DLGAP1: variants seen among roughly 807,000 people sequenced by gnomAD.
The protein encoded by DLGAP1 is disks large-associated protein 1.
A neutral mutation model predicts 90.8 loss-of-function variants in DLGAP1; 11 were observed. The ratio of observed to expected loss-of-function variants is 0.12; its 90% CI spans 0.08 to 0.20. The LOEUF is 0.20. Among genes scored for constraint, DLGAP1 ranks in the 10% least tolerant of loss-of-function variants. The pLI, the probability that DLGAP1 is intolerant of heterozygous loss-of-function variation, is 1.00. For synonymous variants in DLGAP1, 558 were observed against 540.7 expected (o/e 1.03, Z -0.44); for missense variants, 1,050 against 1,333.8 (o/e 0.79, Z 3.31).
chr18:4,156,814 T>C (rs893246961), intron 1 of DLGAP1, among the ~76,000 whole-genome samples: 2 of 152,198 alleles, frequency 1.3e-5, no homozygotes, highest in Non-Finnish European at 2.9e-5. Flanking sequence ...AATTTTTTTT[T>C]GAGCAATGAT....
intron 7 of DLGAP1, among the ~76,000 whole-genome samples, chr18:3,654,209 G>A (rs2059407304): frequency 6.6e-6 from 1 of 152,154 alleles, no homozygotes; most frequent in Non-Finnish European, 1.5e-5. Context: ...CTTCCTGTGA[G>A]CCCCAGGGAC....
At chr18:3,749,410 C>T (rs1479777934) in intron 5 of DLGAP1, among the ~76,000 whole-genome samples, 1 of 152,088 alleles carries the variant, frequency 6.6e-6, no homozygotes, top group Non-Finnish European at 1.5e-5. Context: ...GCCTTGGCCT[C>T]CCAAAGTGCT....
intron 1 of DLGAP1, among the ~76,000 whole-genome samples, chr18:4,197,786 AC>A: frequency 6.6e-6 from 1 of 152,142 alleles, no homozygotes. Flanking sequence ...GTCAGCTAAA[AC>A]CCCGTGAATG....
rs537425020 is a variant in DLGAP1 at position 3,786,047 on chromosome 18, G to C, written c.1172+28012C>G. The stretch of plus-strand genomic sequence containing the variant: ...AATGCTTCCTTCTCTCTCCAACTCT[G>C]CTTCTGCTGTCATCTCCTCCCCTGA... On this transcript the variant is annotated intron_variant, in intron 5 of 12. Coordinates refer to ENST00000315677, the MANE Select transcript of DLGAP1 (RefSeq NM_004746.4). Among the ~76,000 whole-genome samples, 12 of 152,156 alleles carry C rather than the reference G, an allele frequency of 7.9e-5. No individual in the cohort carries two copies. In the South Asian group the frequency reaches 2.5e-3, roughly 32 times the overall value.
At chr18:3,744,712 A>G (rs1019048240) in intron 5 of DLGAP1, among the ~76,000 whole-genome samples, 2 of 151,998 alleles carry the variant, frequency 1.3e-5, no homozygotes, top group African/African-American at 4.8e-5. Flanking sequence ...CGGCCGGCTA[A>G]TTTTTGTATT....
chr18:4,448,533 T>C (rs16946838), intron 1 of DLGAP1, among the ~76,000 whole-genome samples: 19,758 of 152,132 alleles, frequency 0.13, 1,479 homozygotes, highest in South Asian at 0.22. Context: ...AGAGGAATTA[T>C]TATGCACCAT....
At chr18:3,764,848 T>C (rs1162164673) in intron 5 of DLGAP1, among the ~76,000 whole-genome samples, 1 of 152,160 alleles carries the variant, frequency 6.6e-6, no homozygotes, top group East Asian at 1.9e-4. Context: ...TTGTGGTAGT[T>C]ATCTGGTTTT....
intron 3 of DLGAP1, among the ~76,000 whole-genome samples, chr18:3,944,934 C>T (rs2072847756): frequency 1.3e-5 from 2 of 152,134 alleles, no homozygotes; most frequent in Non-Finnish European, 2.9e-5. Context: ...ACATAACAGC[C>T]AAGTTTGGTT....
intron 1 of DLGAP1, among the ~76,000 whole-genome samples, chr18:4,263,419 T>C (rs1282407603): frequency 6.6e-6 from 1 of 152,210 alleles, no homozygotes; most frequent in Non-Finnish European, 1.5e-5. Flanking sequence ...TGAATTCTTA[T>C]TAAAATTTGT....
chr18:3,908,555 C>T (rs1220641155), intron 3 of DLGAP1, among the ~76,000 whole-genome samples: 3 of 152,084 alleles, frequency 2.0e-5, no homozygotes, highest in Non-Finnish European at 4.4e-5. Flanking sequence ...ATGTGCAGTT[C>T]AGGTTGGTGG....
chr18:3,643,662 CA>C (rs538678987), intron 7 of DLGAP1, among the ~76,000 whole-genome samples: 1,569 of 64,952 alleles, frequency 0.024, 5 homozygotes, highest in Middle Eastern at 0.037. Context: ...GACTCCATCT[CA>C]AAAAAAAAAA....
At chr18:4,258,833 G>A (rs1056176393) in intron 1 of DLGAP1, among the ~76,000 whole-genome samples, 1 of 151,926 alleles carries the variant, frequency 6.6e-6, no homozygotes. Flanking sequence ...CTACTCTTTG[G>A]TCATGAACAA....
intron 7 of DLGAP1, among the ~76,000 whole-genome samples, chr18:3,616,733 G>T (rs556625292): frequency 6.6e-6 from 1 of 151,994 alleles, no homozygotes; most frequent in African/African-American, 2.4e-5. Context: ...CACCCTAGGC[G>T]GCAGAGGGAG....
intron 5 of DLGAP1, among the ~76,000 whole-genome samples, chr18:3,801,967 TTTTGTTTGTTTG>T (rs142836478): frequency 9.7e-6 from 1 of 102,644 alleles, no homozygotes; most frequent in Non-Finnish European, 2.4e-5. Context: ...CCATCTGTGT[TTTTGTTTGTTTG>T]TTTGTTTGTT....
At chr18:3,920,764 A>G (rs1397365356) in intron 3 of DLGAP1, among the ~76,000 whole-genome samples, 1 of 128 alleles carries the variant, frequency 7.8e-3, no homozygotes, top group Non-Finnish European at 0.022. Context: ...CAATACGCAC[A>G]TCTTATTTCC....
In DLGAP1 at chr18:3,729,413, C is replaced by G. The variant is rs774025611; in HGVS notation, c.1351-38G>C. On this transcript the variant is annotated intron_variant, in intron 6 of 12. Transcript: ENST00000315677. The surrounding 1 kb of genome is among the most constrained non-coding windows in gnomAD (Gnocchi z 6.2). ...ACAGGCGTTGTGACACTCGCCTCCA[C>G]CTGGTGGAGGATCAACCTCTCCAAG... The G allele has an allele frequency of 6.3e-7, 1 of 1,588,236 alleles. No individual in the cohort carries two copies. The highest frequency in any genetic ancestry group is 2.3e-5 in the East Asian group (1 of 44,408).
chr18:3,897,377 C>G (rs1321152076), intron 3 of DLGAP1, among the ~76,000 whole-genome samples: 1 of 152,178 alleles, frequency 6.6e-6, no homozygotes, highest in African/African-American at 2.4e-5. Context: ...TCCACAAAAG[C>G]TAGTAAAAGA....
intron 3 of DLGAP1, among the ~76,000 whole-genome samples, chr18:3,922,597 C>T (rs543439232): frequency 1.3e-5 from 2 of 152,272 alleles, no homozygotes; most frequent in South Asian, 4.2e-4. Flanking sequence ...AAAAGAGGTT[C>T]AAAATAATTC....
At chr18:3,813,290 G>A (rs894527049) in intron 5 of DLGAP1, among the ~76,000 whole-genome samples, 13 of 152,050 alleles carry the variant, frequency 8.5e-5, no homozygotes, top group African/African-American at 2.2e-4. Flanking sequence ...TGTGAGAGTC[G>A]CCCACAGCAT....
Sources: allele counts gnomAD v4.1 joint callset (sites outside exome capture counted in the v4.1 genomes callset), GRCh38; gene constraint gnomAD v4.1.1; non-coding constraint Gnocchi (gnomAD v3.1); transcripts MANE v1.5; gene names NCBI Gene and HGNC (gene_info 2026-07-23, HGNC 2026-07-21).